Variants in RBFOX1 observed in about 807,000 individuals in gnomAD.
The protein encoded by RBFOX1 is RNA binding protein fox-1 homolog 1.
RBFOX1 carries 8 observed loss-of-function variants against 57.7 expected under a neutral mutation model. The observed-to-expected ratio is 0.14, with a 90% confidence interval of 0.08 to 0.25. The LOEUF (loss-of-function observed/expected upper bound fraction) is 0.25. Among genes scored for constraint, RBFOX1 ranks in the 10% least tolerant of loss-of-function variants. The probability of loss-of-function intolerance (pLI) is 1.00; values close to 1 mark genes in which losing one functional copy is unlikely to be tolerated. For missense variants in RBFOX1, 611 were observed against 548.5 expected, an observed-to-expected ratio of 1.11 and a Z score of -1.14; for synonymous variants, 326 against 222.4, an observed-to-expected ratio of 1.47 and a Z score of -4.15.
chr16:5,575,692 T>C (rs2046428521), intron 2 of RBFOX1, among the ~76,000 whole-genome samples: 1 of 152,188 alleles, frequency 6.6e-6, no homozygotes, highest in Non-Finnish European at 1.5e-5. Flanking sequence ...AACCAGTGAA[T>C]AATCCATTTG....
intron 3 of RBFOX1, among the ~76,000 whole-genome samples, chr16:5,722,774 A>T (rs1479639334): frequency 6.6e-6 from 1 of 152,132 alleles, no homozygotes; most frequent in African/African-American, 2.4e-5. Context: ...ACTTCTAGTT[A>T]TCCATCAGTC....
chr16:5,966,991 C>CGTGGG (rs1195894966), intron 4 of RBFOX1, among the ~76,000 whole-genome samples: 1 of 30,658 alleles, frequency 3.3e-5, no homozygotes, highest in East Asian at 1.3e-3. Context: ...TGCACTAAAT[C>CGTGGG]GGGGGGGGGG....
chr16:7,176,458 G>A (rs1223742039), intron 4 of RBFOX1, among the ~76,000 whole-genome samples: 2 of 151,924 alleles, frequency 1.3e-5, no homozygotes, highest in Admixed American at 6.6e-5. Flanking sequence ...TTATGTGTAC[G>A]AGGTATCTAT....
chr16:6,714,256 C>G (rs718975), intron 3 of RBFOX1, among the ~76,000 whole-genome samples: 1 of 152,114 alleles, frequency 6.6e-6, no homozygotes, highest in Non-Finnish European at 1.5e-5. Flanking sequence ...TCAATTAAAC[C>G]TCTTTCCCAT....
At chr16:5,713,761 C>T (rs112040277) in intron 3 of RBFOX1, among the ~76,000 whole-genome samples, 1 of 152,324 alleles carries the variant, frequency 6.6e-6, no homozygotes, top group East Asian at 1.9e-4. Context: ...AACTGCCCCC[C>T]TCCCTGGAAC....
chr16:7,406,963 C>T (rs773132949), intron 4 of RBFOX1, among the ~76,000 whole-genome samples: 23 of 152,170 alleles, frequency 1.5e-4, no homozygotes, highest in Non-Finnish European at 3.2e-4. Context: ...GTCTCTGCCT[C>T]TGCGTTTGTA....
chr16:5,662,700 C>G (rs889345136), intron 3 of RBFOX1, among the ~76,000 whole-genome samples: 3 of 152,180 alleles, frequency 2.0e-5, no homozygotes, highest in African/African-American at 7.2e-5. Flanking sequence ...TTGAATGTTT[C>G]TAATAAGTCA....
intron 1 of RBFOX1, among the ~76,000 whole-genome samples, chr16:5,312,036 A>G (rs1274260099): frequency 6.6e-6 from 1 of 152,206 alleles, no homozygotes; most frequent in Non-Finnish European, 1.5e-5. Context: ...AGCACCTAAT[A>G]CCTAGAAGGG....
intron 4 of RBFOX1, among the ~76,000 whole-genome samples, chr16:7,426,386 C>CA: frequency 6.6e-6 from 1 of 152,188 alleles, no homozygotes; most frequent in East Asian, 1.9e-4. Flanking sequence ...ACCATGGGCA[C>CA]AGGCTGCCGA....
intron 3 of RBFOX1, among the ~76,000 whole-genome samples, chr16:5,816,803 C>T (rs1023315093): frequency 6.6e-6 from 1 of 152,188 alleles, no homozygotes; most frequent in East Asian, 1.9e-4. Flanking sequence ...TTATATAGCC[C>T]TAGATCTAGG....
intron 1 of RBFOX1, among the ~76,000 whole-genome samples, chr16:5,454,906 CTTTCTTTCCTTTGTTTCTTT>C (rs2068558074): frequency 2.9e-5 from 2 of 68,072 alleles, no homozygotes; most frequent in African/African-American, 5.3e-5. Flanking sequence ...TTCTTTCTTT[CTTTCTTTCCTTTGTTTCTTT>C]CTTCCTTCCT....
At chr16:7,086,242 G>A (rs530804412) in intron 4 of RBFOX1, among the ~76,000 whole-genome samples, 3 of 152,290 alleles carry the variant, frequency 2.0e-5, no homozygotes, top group African/African-American at 4.8e-5. Context: ...GCCATGCGCA[G>A]TTGTAGGTAA....
intron 4 of RBFOX1, among the ~76,000 whole-genome samples, chr16:7,135,409 G>C (rs1203436232): frequency 6.6e-6 from 1 of 152,220 alleles, no homozygotes; most frequent in African/African-American, 2.4e-5. Context: ...CACAAAGTAA[G>C]ATTTATGACT....
At chr16:5,641,795 C>T (rs1469631689) in intron 3 of RBFOX1, among the ~76,000 whole-genome samples, 1 of 152,196 alleles carries the variant, frequency 6.6e-6, no homozygotes, top group African/African-American at 2.4e-5. Flanking sequence ...GCATCTCAAA[C>T]TGTATGCTCT....
At chr16:5,738,365 C>T (rs970575257) in intron 3 of RBFOX1, among the ~76,000 whole-genome samples, 4 of 151,782 alleles carry the variant, frequency 2.6e-5, no homozygotes, top group Admixed American at 1.3e-4. Flanking sequence ...GGTGCGGTGG[C>T]TCATGCTTGT....
chr16:5,403,443 C>G (rs2066775047), intron 1 of RBFOX1, among the ~76,000 whole-genome samples: 1 of 150,414 alleles, frequency 6.6e-6, no homozygotes, highest in African/African-American at 2.4e-5. Flanking sequence ...TCTGATGTTT[C>G]TGTTTCTGTT....
intron 2 of RBFOX1, among the ~76,000 whole-genome samples, chr16:5,533,829 G>C (rs2044583986): frequency 6.6e-6 from 1 of 152,148 alleles, no homozygotes; most frequent in African/African-American, 2.4e-5. Flanking sequence ...TTATGGTGTG[G>C]CTTTCATATG....
intron 3 of RBFOX1, among the ~76,000 whole-genome samples, chr16:6,938,134 T>A (rs1294302476): frequency 1.3e-5 from 2 of 152,156 alleles, no homozygotes; most frequent in Admixed American, 1.3e-4. Context: ...ATATAGAAAT[T>A]TTGAACTATT....
intron 3 of RBFOX1, among the ~76,000 whole-genome samples, chr16:6,664,848 A>G (rs1326458453): frequency 6.6e-6 from 1 of 152,190 alleles, no homozygotes; most frequent in Non-Finnish European, 1.5e-5. Flanking sequence ...TCTGGAGTTG[A>G]ATCCCGGTTC....
Sources: allele counts gnomAD v4.1 joint callset (sites outside exome capture counted in the v4.1 genomes callset), GRCh38; gene constraint gnomAD v4.1.1; transcripts MANE v1.5; gene names NCBI Gene and HGNC (gene_info 2026-07-23, HGNC 2026-07-21).